RORA: variants seen among roughly 807,000 people sequenced by gnomAD.
The protein encoded by RORA is nuclear receptor ROR-alpha.
A neutral mutation model predicts 69.5 loss-of-function variants in RORA; 7 were observed. The observed-to-expected ratio is 0.10, with a 90% CI of 0.06 to 0.19. The LOEUF (loss-of-function observed/expected upper bound fraction) is 0.19. Ranked by LOEUF, RORA falls within the 10% of genes least tolerant of loss-of-function variation. RORA has a pLI of 1.00. For missense variants in RORA, 457 were observed against 663.0 expected (o/e 0.69, Z 3.41); for synonymous variants, 261 against 240.8 (o/e 1.08, Z -0.78).
chr15:61,075,926 G>A (rs1259580450), intron 1 of RORA, among the ~76,000 whole-genome samples: 1 of 152,154 alleles, frequency 6.6e-6, no homozygotes, highest in East Asian at 1.9e-4. Context: ...GGAGCTGCCA[G>A]GCAGCCCTAA....
chr15:61,031,286 T>C (rs1896154542), intron 1 of RORA, among the ~76,000 whole-genome samples: 1 of 152,218 alleles, frequency 6.6e-6, no homozygotes. Context: ...TTTTCAGATC[T>C]CTAGGTGAAG....
chr15:60,978,979 T>TTTTTTTG (rs1893953471), intron 1 of RORA, among the ~76,000 whole-genome samples: 1 of 146,650 alleles, frequency 6.8e-6, no homozygotes, highest in Admixed American at 6.8e-5. Context: ...TTTTTTTTTT[T>TTTTTTTG]GAGACGGAGT....
chr15:60,533,330 C>CTAA (rs2066583169), intron 2 of RORA, among the ~76,000 whole-genome samples: 1 of 152,116 alleles, frequency 6.6e-6, no homozygotes, highest in Non-Finnish European at 1.5e-5. Context: ...TGGAGGCTTT[C>CTAA]TAATACCCCA....
chr15:60,955,630 G>T (rs528465726), intron 1 of RORA, among the ~76,000 whole-genome samples: 2 of 152,296 alleles, frequency 1.3e-5, no homozygotes, highest in East Asian at 1.9e-4. Context: ...CAGTGCAAAA[G>T]ATTTTGTGAG....
chr15:60,515,991 TTATATATATTTATATATATTTA>T lies in RORA; in HGVS notation c.283-1256_283-1235del, dbSNP rs1567051181. Among the ~76,000 whole-genome samples the T allele has an allele frequency of 3.3e-3, 27 of 8,130 alleles. 2 individuals carry two copies. The highest frequency in any genetic ancestry group is 3.9e-3 in the African/African-American group (11 of 2,810). 5.3% of individuals were successfully genotyped at this position (8,130 alleles called of 152,430 possible). A position where few individuals can be genotyped will look rare whatever the true frequency, so the allele number is the denominator to read the frequency against. Reference sequence around the variant, plus strand: ...TATATATTTATATATTTATATATATTTATATATATTTATATATATTTATATATATTTATATATTTATATATAT... The same window carrying T: ...TATATATTTATATATTTATATATATTTATATATTTATATATTTATATATAT... On this transcript the variant is annotated intron_variant, in intron 3 of 10. Coordinates refer to ENST00000335670, the MANE Select transcript of RORA (RefSeq NM_134261.3).
intron 1 of RORA, among the ~76,000 whole-genome samples, chr15:60,733,914 CAGAGAGAGAGAGAGAGAGAG>C (rs58672002): frequency 2.0e-5 from 2 of 101,476 alleles, no homozygotes; most frequent in East Asian, 5.7e-4. Context: ...AGAATAGGGG[CAGAGAGAGAGAGAGAGAGAG>C]AGAGAGAGAG....
chr15:60,529,671 T>A (rs904895571), intron 3 of RORA: 2 of 152,194 alleles, frequency 1.3e-5, no homozygotes, highest in Non-Finnish European at 2.9e-5. Flanking sequence ...TTTTGTTTTC[T>A]TATCGCTTTT....
intron 1 of RORA, among the ~76,000 whole-genome samples, chr15:61,005,586 T>C (rs1894885428): frequency 6.6e-6 from 1 of 151,326 alleles, no homozygotes; most frequent in Non-Finnish European, 1.5e-5. Context: ...TCTCTCTCTC[T>C]TTCTCTATAA....
chr15:60,844,393 C>CA (rs897139139), intron 1 of RORA, among the ~76,000 whole-genome samples: 32 of 152,252 alleles, frequency 2.1e-4, no homozygotes, highest in African/African-American at 7.2e-4. Flanking sequence ...ATGGAAAAGC[C>CA]AATGAAGGAG....
intron 2 of RORA, among the ~76,000 whole-genome samples, chr15:60,622,832 C>T (rs998217130): frequency 6.6e-6 from 1 of 152,122 alleles, no homozygotes; most frequent in African/African-American, 2.4e-5. Flanking sequence ...TCTTCCATCT[C>T]AGCCACCTGA....
At chr15:60,555,396 G>A (rs2067328840) in intron 2 of RORA, among the ~76,000 whole-genome samples, 1 of 152,086 alleles carries the variant, frequency 6.6e-6, no homozygotes, top group South Asian at 2.1e-4. Context: ...TGGTTTCAAG[G>A]AGCAAATATA....
intron 1 of RORA, among the ~76,000 whole-genome samples, chr15:60,867,385 T>G (rs1470817837): frequency 6.6e-6 from 1 of 152,198 alleles, no homozygotes; most frequent in Non-Finnish European, 1.5e-5. Context: ...TGATGCTATT[T>G]CCAGGTAGAT....
chr15:60,675,498 A>G (rs2070539431), intron 2 of RORA, among the ~76,000 whole-genome samples: 1 of 152,218 alleles, frequency 6.6e-6, no homozygotes, highest in Non-Finnish European at 1.5e-5. Flanking sequence ...TCCTTGAACA[A>G]TTTGGGCACG....
At chr15:61,090,793 C>T (rs56003082) in intron 1 of RORA, among the ~76,000 whole-genome samples, 43 of 152,282 alleles carry the variant, frequency 2.8e-4, no homozygotes, top group African/African-American at 8.9e-4. Context: ...CCATGTCACA[C>T]AGCCACACTC....
At chr15:60,841,438 C>T (rs1298578980) in intron 1 of RORA, among the ~76,000 whole-genome samples, 4 of 152,238 alleles carry the variant, frequency 2.6e-5, no homozygotes, top group Non-Finnish European at 5.9e-5. Context: ...CTCTGTCTCT[C>T]TCTCCCTTTC....
intron 1 of RORA, among the ~76,000 whole-genome samples, chr15:60,694,276 C>T (rs910172456): frequency 6.6e-5 from 10 of 152,120 alleles, no homozygotes; most frequent in African/African-American, 2.4e-4. Context: ...GGCCATTAAA[C>T]TTATTTCCTC....
chr15:60,746,250 T>A (rs1480684420), intron 1 of RORA, among the ~76,000 whole-genome samples: 2 of 152,102 alleles, frequency 1.3e-5, no homozygotes, highest in Non-Finnish European at 2.9e-5. Flanking sequence ...AAAACCCAGC[T>A]GTAAAAATAT....
At chr15:60,649,819 C>T (rs374109578) in intron 2 of RORA, among the ~76,000 whole-genome samples, 2 of 152,116 alleles carry the variant, frequency 1.3e-5, no homozygotes, top group Non-Finnish European at 2.9e-5. Context: ...AAAAAGCAAT[C>T]GAATAGCAAA....
At chr15:61,175,612 ATGTGGGGG>A (rs57424241) in intron 1 of RORA, among the ~76,000 whole-genome samples, 75,744 of 149,746 alleles carry the variant, frequency 0.51, 20,170 homozygotes, top group Non-Finnish European at 0.6. Context: ...GGAAGGGCTG[ATGTGGGGG>A]CGTGGGGGAT....
Sources: gnomAD v4.1 joint callset for allele counts (sites outside exome capture counted in the v4.1 genomes callset) on GRCh38, gnomAD v4.1.1 for gene constraint, MANE v1.5 for transcripts, NCBI Gene and HGNC (gene_info 2026-07-23, HGNC 2026-07-21) for gene names.